The following SPTBN5 variants were observed in gnomAD, a reference collection of about 807,000 sequenced individuals.
SPTBN5 encodes the protein spectrin beta, non-erythrocytic 5.
SPTBN5 carries 513 observed loss-of-function variants against 477.6 expected under a neutral mutation model. That is an observed-to-expected ratio of 1.07 (90% CI 1.00 to 1.16). The LOEUF is 1.16. Ranked by LOEUF, SPTBN5 falls within the 50% of genes most tolerant of loss-of-function variation. The pLI is 0.00. For missense variants in SPTBN5, 5,062 were observed against 4,731.8 expected (o/e 1.07, Z -2.05); for synonymous variants, 2,169 against 2,011.7 (o/e 1.08, Z -2.09).
intron 35 of SPTBN5, 33 bp downstream of exon 35, chr15:41,867,505 T>A: frequency 1.2e-6 from 2 of 1,602,252 alleles, no homozygotes; most frequent in Non-Finnish European, 1.7e-6. Flanking sequence ...ACCACCACAC[T>A]CTGACCACGC....
intron 27 of SPTBN5, 31 bp from the exon 28 acceptor site, chr15:41,871,948 T>G: frequency 6.6e-7 from 1 of 1,506,342 alleles, no homozygotes; most frequent in South Asian, 1.3e-5. Context: ...TCCCCAGAAG[T>G]GAGTTGCCCA....
At position 41,867,595 on chromosome 15, in the gene SPTBN5, C is replaced by T. The variant is rs1215797864; in HGVS notation, c.6255G>A (p.Glu2085=). The change falls in exon 35 of 68, where the codon GAG becomes GAA. Residue 2085 remains glutamate, a synonymous_variant. Coordinates refer to ENST00000320955, the MANE Select transcript of SPTBN5 (RefSeq NM_016642.4). The part of the protein sequence containing the change: ...SALGSSVEEV[E]QLIRKHEVFL... ...AGACCTCGTGCTTGCGAATCAACTG[C>T]TCTACCTCTTCCACCGAGCTCCCCA... 1 of 1,613,854 alleles carries T rather than the reference C, an allele frequency of 6.2e-7. No individual in the cohort carries two copies. Among genetic ancestry groups the T allele is most frequent in the Non-Finnish European group, 8.5e-7 (1 of 1,179,894 alleles).
At chr15:41,893,237 G>A in intron 2 of SPTBN5, 45 bp downstream of exon 2, 1 of 1,611,936 alleles carries the variant, frequency 6.2e-7, no homozygotes, top group Non-Finnish European at 8.5e-7. Context: ...CCAGAGCTGG[G>A]GGCCTGGTAT....
At chr15:41,877,660 T>C (rs1330348842) in intron 17 of SPTBN5, among the ~76,000 whole-genome samples, 1 of 151,998 alleles carries the variant, frequency 6.6e-6, no homozygotes, top group Non-Finnish European at 1.5e-5. Flanking sequence ...CAAGCCCCCA[T>C]GGAGGCTTTG....
chr15:41,885,405 C>T (rs944472437), intron 7 of SPTBN5, among the ~76,000 whole-genome samples: 7 of 152,156 alleles, frequency 4.6e-5, no homozygotes, highest in African/African-American at 1.4e-4. Context: ...TGTGTAAGTT[C>T]ATGAGGGAAG....
In SPTBN5 at chr15:41,866,029, G is replaced by GATCC; in HGVS notation, c.6822+8_6822+9insGGAT. On this transcript the variant is annotated intron_variant, in intron 38 of 67. Transcript: ENST00000320955. ...CCATCTCTCAGCCCCCACCCAGCTG[G>GATCC]GGCTACACCTTCTCCTGGATCCAGG... 1 of 1,551,844 alleles carries GATCC rather than the reference G, an allele frequency of 6.4e-7. No homozygotes were observed. Among genetic ancestry groups the GATCC allele is most frequent in the East Asian group, 2.4e-5 (1 of 41,016 alleles).
intron 32 of SPTBN5, among the ~76,000 whole-genome samples, chr15:41,869,142 T>C (rs1224583890): frequency 6.6e-6 from 1 of 152,216 alleles, no homozygotes; most frequent in Non-Finnish European, 1.5e-5. Context: ...AAATGTCTCA[T>C]TGCATGGAGG....
intron 67 of SPTBN5, among the ~76,000 whole-genome samples, chr15:41,848,891 G>GA (rs1427523491): frequency 7.2e-5 from 11 of 152,318 alleles, no homozygotes; most frequent in African/African-American, 2.4e-5. Flanking sequence ...AGAGACAGCA[G>GA]AAAAAATGGC....
chr15:41,849,966 A>G lies in SPTBN5; in HGVS notation c.10922-7T>C. ...TTTGGGCTCAGACTCTGGGCTGCAG[A>G]GCAAGGGAATAACCACTGTTAGCCC... On this transcript the variant is annotated splice_region_variant and splice_polypyrimidine_tract_variant and intron_variant, in intron 66 of 67. Coordinates refer to ENST00000320955, the MANE Select transcript of SPTBN5 (RefSeq NM_016642.4). The G allele has an allele frequency of 6.3e-7, 1 of 1,581,716 alleles. No homozygotes were observed. Among genetic ancestry groups the G allele is most frequent in the Non-Finnish European group, 8.6e-7 (1 of 1,163,298 alleles).
chr15:41,874,254 G>T, intron 24 of SPTBN5, 38 bp downstream of exon 24: 1 of 1,580,540 alleles, frequency 6.3e-7, no homozygotes, highest in South Asian at 1.2e-5. Flanking sequence ...TCTGGGAAGC[G>T]GATGTCGGTA....
intron 66 of SPTBN5, 183 bp from the exon 67 acceptor site, chr15:41,850,142 T>C: frequency 1.7e-6 from 1 of 598,018 alleles, no homozygotes; most frequent in Non-Finnish European, 3.0e-6. Context: ...TTTTCCCCCA[T>C]GCGTCCTGCC....
chr15:41,888,187 TCCTCC>T, intron 4 of SPTBN5, 102 bp from the exon 5 acceptor site: 5 of 1,247,842 alleles, frequency 4.0e-6, no homozygotes, highest in Non-Finnish European at 5.5e-6. Flanking sequence ...AGGATCCTGC[TCCTCC>T]CTGGCCCGGG....
chr15:41,861,806 G>A lies in SPTBN5; in HGVS notation c.7666C>T (p.Gln2556Ter), dbSNP rs753623325. 4.4e-6 allele frequency: 7 copies of A among 1,580,076 alleles called. No individual in the cohort carries two copies. Among genetic ancestry groups the A allele is most frequent in the South Asian group, 2.3e-5 (2 of 87,036 alleles). The part of the protein sequence containing the change: ...DIRQVLAGLE[Q>*]ELSSLEGAWQ... ...GCCCCTTCCAGGCTGCTCAGCTCCT[G>A]TTCTAAGCCAGCCAGCACCTGGCGA... Residue 2556 changes from glutamine (Q) to a stop codon, truncating the protein, a stop_gained, in exon 45 of 68, where the codon CAG (glutamine) becomes TAG (stop). Transcript: ENST00000320955. LOFTEE classifies it high-confidence loss of function.
Position 41,857,651 on chromosome 15 carries a change from CA to C in SPTBN5, c.8285del (p.Leu2762ArgfsTer49), listed in dbSNP as rs781342166. The C allele has an allele frequency of 3.8e-6, 6 of 1,595,090 alleles. No homozygotes were observed. In the Admixed American group the frequency reaches 1.0e-4, roughly 28 times the overall value. On this transcript the variant is annotated frameshift_variant, in exon 50 of 68. Coordinates refer to ENST00000320955, the MANE Select transcript of SPTBN5 (RefSeq NM_016642.4). LOFTEE classifies it high-confidence loss of function. ...HPASEAIQER[L>X]EELGALWGEL... ...CACCCCAGAGTGCTCCCAGCTCCTCCAGTCGCTCCTGGATGGCCTCCGAGGC... is the reference window on the plus strand; with the variant it reads ...CACCCCAGAGTGCTCCCAGCTCCTCCGTCGCTCCTGGATGGCCTCCGAGGC...
intron 61 of SPTBN5, 53 bp downstream of exon 61, chr15:41,852,581 G>C (rs543636351): frequency 6.4e-7 from 1 of 1,564,238 alleles, no homozygotes; most frequent in Non-Finnish European, 8.8e-7. Context: ...CTTGCAGGCT[G>C]AGAGGGACTG....
At chr15:41,880,032 T>G in intron 14 of SPTBN5, 128 bp downstream of exon 14, 1 of 1,418,356 alleles carries the variant, frequency 7.1e-7, no homozygotes, top group Non-Finnish European at 9.4e-7. Flanking sequence ...CCCTCGAAAT[T>G]CAGGCCAGCT....
chr15:41,856,561 G>T lies in SPTBN5; in HGVS notation c.8846C>A (p.Thr2949Asn). ...GTACCCAGTGCCCAGCACCACCCGG[G>T]TCAGAGCCTCGTGGCTGCTCATCTC... ...ESEMSSHEAL[T>N]RVVLGTGYKL... The change falls in exon 53 of 68, where the codon ACC becomes AAC. Residue 2949 changes from threonine to asparagine, a missense_variant. By Grantham distance (65) the Thr-to-Asn change is moderately conservative (BLOSUM62 0). Transcript: ENST00000320955. 6.3e-7 allele frequency: 1 copy of T among 1,599,540 alleles called. No individual in the cohort carries two copies.
intron 22 of SPTBN5, 28 bp downstream of exon 22, chr15:41,875,430 T>C: frequency 1.2e-6 from 2 of 1,604,714 alleles, no homozygotes; most frequent in Non-Finnish European, 8.5e-7. Flanking sequence ...CGTCTCCCTC[T>C]TGTGCCCTGT....
intron 66 of SPTBN5, chr15:41,850,585 G>A (rs2065719780): frequency 2.1e-6 from 1 of 487,070 alleles, no homozygotes; most frequent in Non-Finnish European, 3.7e-6. Context: ...CAGTCTGAGT[G>A]GCAGACTCCA....
Sources: gnomAD v4.1 joint callset for allele counts (sites outside exome capture counted in the v4.1 genomes callset) on GRCh38, gnomAD v4.1.1 for gene constraint, MANE v1.5 for transcripts, NCBI Gene and HGNC (gene_info 2026-07-23, HGNC 2026-07-21) for gene names.